ERBB4: variants seen among roughly 807,000 people sequenced by gnomAD.
The protein encoded by ERBB4 is receptor tyrosine-protein kinase erbB-4.
Under a neutral mutation model 158.0 loss-of-function variants are expected in ERBB4, and 42 were observed. The observed-to-expected ratio is 0.27, with a 90% confidence interval of 0.21 to 0.34. The LOEUF is 0.34. ERBB4 is among the 10% of genes least tolerant of loss of function. The pLI, the probability that ERBB4 is intolerant of heterozygous loss-of-function variation, is 1.00. For missense variants in ERBB4, 1,333 were observed against 1,624.1 expected (o/e 0.82, Z 3.08); for synonymous variants, 583 against 558.7 (o/e 1.04, Z -0.61).
At chr2:211,995,388 T>C (rs1008372279) in intron 2 of ERBB4, among the ~76,000 whole-genome samples, 3 of 152,182 alleles carry the variant, frequency 2.0e-5, no homozygotes, top group African/African-American at 7.2e-5. Flanking sequence ...CAACGGCTTT[T>C]CATTCATTGG....
chr2:212,307,226 T>G (rs1206889619), intron 1 of ERBB4, among the ~76,000 whole-genome samples: 1 of 151,118 alleles, frequency 6.6e-6, no homozygotes, highest in Non-Finnish European at 1.5e-5. Context: ...AGATCCCCAT[T>G]AGCTCTAAAA....
At chr2:211,422,544 A>C (rs912199619) in intron 23 of ERBB4, among the ~76,000 whole-genome samples, 1 of 151,738 alleles carries the variant, frequency 6.6e-6, no homozygotes, top group East Asian at 1.9e-4. Context: ...GTTCAGCAAT[A>C]GACATTAGCT....
At chr2:211,389,085 G>T (rs2062746951) in intron 25 of ERBB4, among the ~76,000 whole-genome samples, 1 of 152,162 alleles carries the variant, frequency 6.6e-6, no homozygotes, top group Non-Finnish European at 1.5e-5. Flanking sequence ...ACCCAGGCTG[G>T]AGTGCAGTGG....
intron 23 of ERBB4, among the ~76,000 whole-genome samples, chr2:211,423,570 AGAAAAGT>A (rs1173899882): frequency 1.3e-5 from 2 of 151,868 alleles, no homozygotes; most frequent in African/African-American, 4.8e-5. Context: ...GGAAGAAAAA[AGAAAAGT>A]AAGAGTTTGA....
chr2:211,386,733 C>A, intron 27 of ERBB4, 120 bp downstream of exon 27: 1 of 862,546 alleles, frequency 1.2e-6, no homozygotes, highest in Non-Finnish European at 1.9e-6. Context: ...GTAGCCTAGG[C>A]CTTTACTGGA....
chr2:211,930,959 A>T (rs745424526), intron 3 of ERBB4, among the ~76,000 whole-genome samples: 22 of 152,128 alleles, frequency 1.4e-4, no homozygotes, highest in Non-Finnish European at 3.1e-4. Context: ...TGGGGAAACA[A>T]ATTCTTAGCT....
intron 20 of ERBB4, among the ~76,000 whole-genome samples, chr2:211,438,633 C>A (rs142216853): frequency 2.9e-4 from 44 of 152,150 alleles, no homozygotes; most frequent in African/African-American, 1.0e-3. Flanking sequence ...TATAATTTGA[C>A]CACTTTAAAG....
chr2:212,457,937 ATTAT>A (rs1315042235), intron 1 of ERBB4, among the ~76,000 whole-genome samples: 3 of 151,926 alleles, frequency 2.0e-5, no homozygotes, highest in African/African-American at 7.2e-5. Context: ...GTAAATATTT[ATTAT>A]TTATTATTTT....
intron 2 of ERBB4, among the ~76,000 whole-genome samples, chr2:212,003,207 CAGAAAGAAGGAA>C (rs1180807792): frequency 1.1e-3 from 42 of 39,944 alleles, no homozygotes; most frequent in Admixed American, 1.6e-3. Context: ...GAAAGAAAGA[CAGAAAGAAGGAA>C]GGAAGGAAGG....
chr2:211,437,169 C>G (rs1230314971), intron 20 of ERBB4, among the ~76,000 whole-genome samples: 2 of 146,444 alleles, frequency 1.4e-5, no homozygotes, highest in East Asian at 3.9e-4. Context: ...TATTCATAAT[C>G]TGACTATTTT....
At chr2:211,706,603 A>AC (rs1553614609) in intron 9 of ERBB4, among the ~76,000 whole-genome samples, 3 of 147,120 alleles carry the variant, frequency 2.0e-5, no homozygotes, top group African/African-American at 7.6e-5. Context: ...TAAAAAAACA[A>AC]AAAAAAAAAA....
intron 1 of ERBB4, among the ~76,000 whole-genome samples, chr2:212,272,751 C>G (rs1373931431): frequency 6.6e-6 from 1 of 151,470 alleles, no homozygotes; most frequent in Non-Finnish European, 1.5e-5. Flanking sequence ...TTTTTCTTTG[C>G]GTAGAAAGAT....
At chr2:211,487,228 T>C (rs1015740753) in intron 20 of ERBB4, among the ~76,000 whole-genome samples, 17 of 147,408 alleles carry the variant, frequency 1.2e-4, no homozygotes, top group African/African-American at 4.0e-4. Flanking sequence ...TTCCCACCTA[T>C]GAGTGAGAAC....
At chr2:212,274,777 A>G (rs1368692858) in intron 1 of ERBB4, among the ~76,000 whole-genome samples, 1 of 151,642 alleles carries the variant, frequency 6.6e-6, no homozygotes, top group East Asian at 1.9e-4. Context: ...ACTTTTTCTT[A>G]ATTTTTTTAT....
intron 3 of ERBB4, among the ~76,000 whole-genome samples, chr2:211,829,000 T>G (rs891802338): frequency 1.3e-5 from 2 of 152,170 alleles, no homozygotes; most frequent in Non-Finnish European, 2.9e-5. Context: ...GAAACTCAGT[T>G]GCATAAAATT....
At chr2:211,803,137 G>T (rs1288572244) in intron 3 of ERBB4, among the ~76,000 whole-genome samples, 2 of 152,180 alleles carry the variant, frequency 1.3e-5, no homozygotes, top group Non-Finnish European at 1.5e-5. Flanking sequence ...TTGGCTGACA[G>T]GTGGCAAATG....
chr2:212,081,832 G>T (rs1456719403), intron 2 of ERBB4, among the ~76,000 whole-genome samples: 1 of 152,162 alleles, frequency 6.6e-6, no homozygotes, highest in Non-Finnish European at 1.5e-5. Flanking sequence ...TGTCAGTTCT[G>T]GGTTTTTTAT....
At chr2:211,907,487 C>G (rs1302163614) in intron 3 of ERBB4, among the ~76,000 whole-genome samples, 1 of 151,212 alleles carries the variant, frequency 6.6e-6, no homozygotes. Flanking sequence ...ACCATATAAG[C>G]CTATCAAACC....
intron 19 of ERBB4, among the ~76,000 whole-genome samples, chr2:211,566,191 G>A (rs1160062250): frequency 6.6e-6 from 1 of 152,092 alleles, no homozygotes; most frequent in East Asian, 1.9e-4. Context: ...AGAACTGGTA[G>A]GAAAGATCAC....
Sources: gnomAD v4.1 joint callset for allele counts (sites outside exome capture counted in the v4.1 genomes callset) on GRCh38, gnomAD v4.1.1 for gene constraint, MANE v1.5 for transcripts, NCBI Gene and HGNC (gene_info 2026-07-23, HGNC 2026-07-21) for gene names.